The following ARHGAP29 variants were observed in gnomAD, a reference collection of about 807,000 sequenced individuals.
ARHGAP29 encodes Rho GTPase activating protein 29, also known as rho GTPase-activating protein 29.
ARHGAP29 carries 43 observed loss-of-function variants against 122.6 expected under a neutral mutation model. That is an observed-to-expected ratio of 0.35 (90% CI 0.27 to 0.45). The LOEUF is 0.45. Ranked by LOEUF, ARHGAP29 falls within the 20% of genes least tolerant of loss-of-function variation. ARHGAP29 has a pLI of 1.00. For synonymous variants in ARHGAP29, 506 were observed against 497.1 expected, an observed-to-expected ratio of 1.02 and a Z score of -0.24; for missense variants, 1,303 against 1,477.2, an observed-to-expected ratio of 0.88 and a Z score of 1.93.
intron 3 of ARHGAP29, among the ~76,000 whole-genome samples, chr1:94,212,356 C>T (rs1219105095): frequency 6.6e-6 from 1 of 152,162 alleles, no homozygotes; most frequent in East Asian, 1.9e-4. Flanking sequence ...AGAATGATGA[C>T]AATTTCACAG....
At chr1:94,208,794 A>G in intron 5 of ARHGAP29, 38 bp downstream of exon 5, 1 of 1,594,044 alleles carries the variant, frequency 6.3e-7, no homozygotes. Context: ...TGAAGTTAAA[A>G]ACATTAAAGA....
intron 1 of ARHGAP29, among the ~76,000 whole-genome samples, chr1:94,243,250 A>G (rs1653670424): frequency 6.6e-6 from 1 of 152,014 alleles, no homozygotes; most frequent in South Asian, 2.1e-4. Flanking sequence ...CAGAATATGC[A>G]TTCATTTCAA....
upstream of ARHGAP29, among the ~76,000 whole-genome samples, chr1:94,239,161 CAATGATGCCTG>C (rs1342701066): frequency 1.3e-5 from 2 of 152,072 alleles, no homozygotes; most frequent in African/African-American, 4.8e-5. Flanking sequence ...CCATGGAAGC[CAATGATGCCTG>C]AACTGAAGCA....
Position 94,177,896 on chromosome 1 carries a change from C to T in ARHGAP29, c.2752G>A (p.Asp918Asn), listed in dbSNP as rs1649206037. Residue 918 changes from aspartate (D) to asparagine (N), a missense_variant, in exon 21 of 23, where the codon GAC becomes AAC. Physicochemically the swap from Asp to Asn is conservative, Grantham distance 23. Transcript: ENST00000260526. The part of the protein sequence containing the change: ...PKPLLSPEER[D>N]IERSMKSLFF... ...AGTGACTTCATGGAACGTTCAATGT[C>T]TCTTTCTTCTGGTGATAACAGAGGC... is the stretch of plus-strand genomic sequence containing the variant. 1.2e-6 allele frequency: 2 copies of T among 1,613,934 alleles called. No individual in the cohort carries two copies. The highest frequency in any genetic ancestry group is 2.2e-5 in the East Asian group (1 of 44,884).
rs763917886 is a variant in ARHGAP29 at position 94,174,591 on chromosome 1, C to T, written c.3064G>A (p.Val1022Ile). The T allele has an allele frequency of 1.2e-6, 2 of 1,614,050 alleles. No homozygotes were observed. Among genetic ancestry groups the T allele is most frequent in the East Asian group, 4.5e-5 (2 of 44,900 alleles). ...GGACTTGCAAGAAGTAGTCTATCTA[C>T]AGGCAAACTTACAGGTCTAATCTTG... Reference protein sequence around the residue: ...RTKIRPVSLPVDRLLLASPPN... With the variant: ...RTKIRPVSLPIDRLLLASPPN... The change falls in exon 23 of 23, where the codon GTA becomes ATA. Residue 1022 changes from valine (V) to isoleucine (I), a missense_variant. Around this residue, in one of 3 missense-constraint regions of ARHGAP29, gnomAD observed 620 missense variants for 651.2 expected, o/e 0.95. Transcript: ENST00000260526.
At chr1:94,205,614 T>G in intron 6 of ARHGAP29, 21 bp downstream of exon 6, 1 of 1,605,936 alleles carries the variant, frequency 6.2e-7, no homozygotes. Flanking sequence ...TGTGAAAAGT[T>G]ATAAACACCT....
chr1:94,237,731 G>A (rs1358097160), upstream of ARHGAP29: 3 of 985,136 alleles, frequency 3.0e-6, no homozygotes, highest in Non-Finnish European at 3.6e-6. Context: ...CTCGCGCGCA[G>A]AACGCGACCG....
chr1:94,216,431 G>A (rs1450858092), intron 3 of ARHGAP29, among the ~76,000 whole-genome samples: 1 of 152,138 alleles, frequency 6.6e-6, no homozygotes, highest in Non-Finnish European at 1.5e-5. Context: ...CCGTGTATTT[G>A]CTTGTATATG....
At chr1:94,260,673 C>G (rs1473763536) in intron 1 of ARHGAP29, among the ~76,000 whole-genome samples, 1 of 152,060 alleles carries the variant, frequency 6.6e-6, no homozygotes, top group African/African-American at 2.4e-5. Flanking sequence ...TGGAAAGACA[C>G]ACAGAAAAAG....
chr1:94,256,536 CTTTTTTTTTTTTTTTTTTTTTTT>C (rs530295333), intron 1 of ARHGAP29, among the ~76,000 whole-genome samples: 2,044 of 45,346 alleles, frequency 0.045, 76 homozygotes, highest in African/African-American at 0.18. Flanking sequence ...CAGTACTAAT[CTTTTTTTTTTTTTTTTTTTTTTT>C]TTTTTTTTTT....
In ARHGAP29 at chr1:94,205,346, G is replaced by A. The variant is rs1357832606; in HGVS notation, c.560-148C>T. On this transcript the variant is annotated intron_variant, in intron 6 of 22. Transcript: ENST00000260526. ...TGACAAATTTACAATTAAAAGGCCAGAGTTTAAACTTAAAATGGTTTCAAA... is the reference window on the plus strand; with the variant it reads ...TGACAAATTTACAATTAAAAGGCCAAAGTTTAAACTTAAAATGGTTTCAAA... 7.7e-6 allele frequency: 5 copies of A among 646,112 alleles called. No individual in the cohort carries two copies. The Admixed American group carries it at 1.9e-4, about 24-fold the overall frequency. The allele number at this position is 646,112 out of a possible 1,614,324, so 40.0% of individuals were successfully genotyped here. A position where few individuals can be genotyped will look rare whatever the true frequency, so the allele number is the denominator to read the frequency against.
In ARHGAP29 at chr1:94,185,170, C is replaced by T. The variant is rs566253591; in HGVS notation, c.1921-110G>A. ...AAATGAGTTTAAGAGGTATTACTTG[C>T]GCTATTTGAAACAGATTTAACAACA... On this transcript the variant is annotated intron_variant, in intron 17 of 22. Coordinates refer to ENST00000260526, the MANE Select transcript of ARHGAP29 (RefSeq NM_004815.4). The T allele has an allele frequency of 8.2e-6, 10 of 1,217,540 alleles. No homozygotes were observed. The Middle Eastern group carries it at 8.2e-4, about 100-fold the overall frequency. The allele number at this position is 1,217,540 out of a possible 1,614,324, so 75.4% of individuals were successfully genotyped here.
At chr1:94,285,700 C>A in the ARHGAP29 span, among the ~76,000 whole-genome samples, 110 of 151,818 alleles carry the variant, frequency 7.2e-4, 1 homozygote, top group South Asian at 1.5e-3. Flanking sequence ...CATGGTGAAA[C>A]CCAGTCTCTA....
In ARHGAP29 at chr1:94,220,269, G is replaced by T. The variant is rs1207730905; in HGVS notation, c.329C>A (p.Ala110Glu). The T allele has an allele frequency of 2.5e-6, 4 of 1,613,004 alleles. No individual in the cohort carries two copies. The East Asian group carries it at 6.7e-5, about 27-fold the overall frequency. Residue 110 changes from alanine to glutamate, a missense_variant, in exon 3 of 23, where the codon GCA (alanine) becomes GAA (glutamate). Physicochemically the swap from Ala to Glu is moderately radical, Grantham distance 107 (BLOSUM62 -1). Around this residue, in one of 3 missense-constraint regions of ARHGAP29, gnomAD observed 592 missense variants for 648.2 expected, o/e 0.91. Transcript: ENST00000260526. ...DLQNAAEMLT[A>E]KVKAVNFTEV... ...TATATCTTCCTTACCTTTCACTTTTGCAGTGAGCATTTCTGCAGCATTTTG... is the reference window on the plus strand; with the variant it reads ...TATATCTTCCTTACCTTTCACTTTTTCAGTGAGCATTTCTGCAGCATTTTG...
chr1:94,262,497 A>G (rs549495584), intron 1 of ARHGAP29, among the ~76,000 whole-genome samples: 2 of 152,352 alleles, frequency 1.3e-5, no homozygotes, highest in Admixed American at 6.5e-5. Flanking sequence ...TTTGCAAGCT[A>G]TGCATCTGAC....
At chr1:94,293,197 T>TC in the ARHGAP29 span, among the ~76,000 whole-genome samples, 1 of 151,926 alleles carries the variant, frequency 6.6e-6, no homozygotes, top group African/African-American at 2.4e-5. Context: ...CAGATTCCTC[T>TC]CCCCCCATCA....
chr1:94,186,962 T>C (rs1018653113), intron 15 of ARHGAP29, among the ~76,000 whole-genome samples: 1 of 152,180 alleles, frequency 6.6e-6, no homozygotes, highest in African/African-American at 2.4e-5. Flanking sequence ...AACAGTAAAG[T>C]TGTCATTAAT....
At chr1:94,310,389 T>A in the ARHGAP29 span, among the ~76,000 whole-genome samples, 1 of 152,214 alleles carries the variant, frequency 6.6e-6, no homozygotes, top group Admixed American at 6.5e-5. Flanking sequence ...TGTAGTAGTG[T>A]CCAGGTGCCA....
At chr1:94,247,040 A>G (rs1346543699) in intron 1 of ARHGAP29, among the ~76,000 whole-genome samples, 2 of 152,150 alleles carry the variant, frequency 1.3e-5, no homozygotes, top group East Asian at 1.9e-4. Flanking sequence ...ATAAATAGCC[A>G]GGGTCTAGGT....
Sources: gnomAD v4.1 joint callset for allele counts (sites outside exome capture counted in the v4.1 genomes callset) on GRCh38, gnomAD v4.1.1 for gene constraint, gnomAD v4.1.1 regional missense constraint, MANE v1.5 for transcripts, NCBI Gene and HGNC (gene_info 2026-07-23, HGNC 2026-07-21) for gene names.